The following GRIK2 variants were observed in gnomAD, a reference collection of about 807,000 sequenced individuals.
The protein encoded by GRIK2 is glutamate ionotropic receptor kainate type subunit 2.
In GRIK2, 32 loss-of-function variants were observed where a neutral mutation model predicts 100.3. That is an observed-to-expected ratio of 0.32 (90% CI 0.24 to 0.43). The LOEUF (loss-of-function observed/expected upper bound fraction) is 0.43, where lower values mean the gene tolerates loss of function less well. Among genes scored for constraint, GRIK2 ranks in the 20% least tolerant of loss-of-function variants. The probability of loss-of-function intolerance (pLI) is 1.00; values close to 1 mark genes in which losing one functional copy is unlikely to be tolerated. For missense variants in GRIK2, 843 were observed against 1,114.9 expected (o/e 0.76, Z 3.47); for synonymous variants, 417 against 389.4 (o/e 1.07, Z -0.83).
intron 7 of GRIK2, among the ~76,000 whole-genome samples, chr6:101,748,063 A>G (rs780545282): frequency 2.6e-5 from 4 of 152,194 alleles, no homozygotes; most frequent in Non-Finnish European, 5.9e-5. Flanking sequence ...AATAAGCAAA[A>G]TTATGTTACT....
intron 14 of GRIK2, among the ~76,000 whole-genome samples, chr6:101,982,216 C>T (rs1793751691): frequency 6.6e-6 from 1 of 151,820 alleles, no homozygotes; most frequent in Non-Finnish European, 1.5e-5. Context: ...TTGCAGATAT[C>T]TTGAGTATAG....
chr6:101,800,542 T>G (rs1258810048), intron 8 of GRIK2, among the ~76,000 whole-genome samples: 2 of 152,104 alleles, frequency 1.3e-5, no homozygotes, highest in Admixed American at 6.6e-5. Flanking sequence ...TATGAAATTT[T>G]TTATTAATGG....
chr6:101,791,984 T>C (rs1409625219), intron 7 of GRIK2, among the ~76,000 whole-genome samples: 27 of 152,070 alleles, frequency 1.8e-4, no homozygotes, highest in Non-Finnish European at 3.7e-4. Flanking sequence ...TCTCTTTTGA[T>C]CTTTGTTGGT....
intron 11 of GRIK2, among the ~76,000 whole-genome samples, chr6:101,877,613 A>G (rs1351165148): frequency 6.6e-6 from 1 of 152,038 alleles, no homozygotes; most frequent in Admixed American, 6.6e-5. Context: ...CGTTAAAAAT[A>G]GTTTTAAAAG....
At chr6:101,508,754 G>A (rs1326640875) in intron 2 of GRIK2, among the ~76,000 whole-genome samples, 2 of 152,146 alleles carry the variant, frequency 1.3e-5, no homozygotes, top group Non-Finnish European at 2.9e-5. Flanking sequence ...TGAAAAGAGT[G>A]TCATATTTTA....
At position 101,791,043 on chromosome 6, in the gene GRIK2, C is replaced by T. The variant is rs553420357; in HGVS notation, c.952-8605C>T. On this transcript the variant is annotated intron_variant, in intron 7 of 16. Coordinates refer to ENST00000369134, the MANE Select transcript of GRIK2 (RefSeq NM_021956.5). ...ATGGTAGTTTGTATTTCTGTGGGAT[C>T]GGTGGTGATATCCCTTTTATCATTT... 6.2e-3 allele frequency among the ~76,000 whole-genome samples: 948 copies of T among 151,856 alleles called. 27 individuals carry two copies. Among genetic ancestry groups the T allele is most frequent in the Admixed American group, 0.051 (784 of 15,246 alleles).
intron 4 of GRIK2, among the ~76,000 whole-genome samples, chr6:101,649,950 C>T (rs1351178175): frequency 3.3e-5 from 5 of 152,032 alleles, no homozygotes; most frequent in Admixed American, 2.6e-4. Flanking sequence ...CCAGATGATC[C>T]CTTTTTCCAT....
intron 11 of GRIK2, among the ~76,000 whole-genome samples, chr6:101,874,672 A>G (rs867763291): frequency 2.6e-5 from 4 of 152,086 alleles, no homozygotes; most frequent in Admixed American, 2.0e-4. Flanking sequence ...CATTGAATCT[A>G]TAAATTACCT....
chr6:101,453,119 T>G (rs1027796047), intron 2 of GRIK2, among the ~76,000 whole-genome samples: 2 of 151,856 alleles, frequency 1.3e-5, no homozygotes, highest in Non-Finnish European at 2.9e-5. Context: ...TTCAGTGATC[T>G]CCAATAGATA....
intron 7 of GRIK2, among the ~76,000 whole-genome samples, chr6:101,706,900 C>T (rs1773343651): frequency 6.6e-6 from 1 of 151,910 alleles, no homozygotes; most frequent in African/African-American, 2.4e-5. Flanking sequence ...TTCCTAGTAG[C>T]AGTTTCAGCA....
intron 11 of GRIK2, among the ~76,000 whole-genome samples, chr6:101,876,036 G>T (rs1035329321): frequency 1.4e-5 from 2 of 146,590 alleles, no homozygotes; most frequent in African/African-American, 5.3e-5. Context: ...TGTGTGTAAA[G>T]ATCTCTCATC....
At chr6:101,628,813 T>C (rs770297504) in intron 4 of GRIK2, among the ~76,000 whole-genome samples, 15 of 152,140 alleles carry the variant, frequency 9.9e-5, no homozygotes, top group Non-Finnish European at 1.5e-4. Flanking sequence ...ATCATACATG[T>C]GATATTTTGT....
chr6:101,789,487 C>G (rs916235183), intron 7 of GRIK2, among the ~76,000 whole-genome samples: 25 of 152,038 alleles, frequency 1.6e-4, no homozygotes, highest in African/African-American at 3.6e-4. Context: ...GCTTGTTTTT[C>G]TCAGGTTTGT....
chr6:101,621,933 T>C lies in GRIK2; in HGVS notation c.116-16T>C. 3.8e-6 allele frequency: 6 copies of C among 1,562,280 alleles called. No homozygotes were observed. Among genetic ancestry groups the C allele is most frequent in the Non-Finnish European group, 5.3e-6 (6 of 1,135,310 alleles). ...ATTCTTGTAAAATTTATGATTTTTC[T>C]CTTTCTTTTTGCCAGGTGGTATTTT... is the stretch of plus-strand genomic sequence containing the variant. On this transcript the variant is annotated splice_polypyrimidine_tract_variant and intron_variant, in intron 2 of 16. Coordinates refer to ENST00000369134, the MANE Select transcript of GRIK2 (RefSeq NM_021956.5).
chr6:101,874,090 C>T (rs1206065880), intron 11 of GRIK2, among the ~76,000 whole-genome samples: 3 of 152,102 alleles, frequency 2.0e-5, no homozygotes, highest in Non-Finnish European at 4.4e-5. Flanking sequence ...TGCAGAAGCT[C>T]TTTAGTTTAA....
intron 14 of GRIK2, among the ~76,000 whole-genome samples, chr6:101,955,576 T>TTTCTC (rs1491467842): frequency 4.3e-5 from 5 of 116,288 alleles, no homozygotes; most frequent in African/African-American, 1.9e-4. Context: ...GAGCAAGGCC[T>TTTCTC]TCTCTCTCTC....
At chr6:101,969,998 T>C (rs1416993189) in intron 14 of GRIK2, among the ~76,000 whole-genome samples, 2 of 152,032 alleles carry the variant, frequency 1.3e-5, no homozygotes, top group Non-Finnish European at 2.9e-5. Context: ...CTCACCTAAT[T>C]CAATTTTGTC....
intron 2 of GRIK2, among the ~76,000 whole-genome samples, chr6:101,571,035 T>C (rs907824084): frequency 6.8e-6 from 1 of 146,556 alleles, no homozygotes; most frequent in Non-Finnish European, 1.5e-5. Context: ...AGAGTTTGAT[T>C]AAATATTCTA....
At chr6:101,965,335 ATGTC>A (rs1418507832) in intron 14 of GRIK2, among the ~76,000 whole-genome samples, 1 of 152,086 alleles carries the variant, frequency 6.6e-6, no homozygotes, top group Non-Finnish European at 1.5e-5. Context: ...TATTTTTTCA[ATGTC>A]TGCTCATAAA....
Sources: allele counts gnomAD v4.1 joint callset (sites outside exome capture counted in the v4.1 genomes callset), GRCh38; gene constraint gnomAD v4.1.1; transcripts MANE v1.5; gene names NCBI Gene and HGNC (gene_info 2026-07-23, HGNC 2026-07-21).